The following BEND3 variants were observed in gnomAD, a reference collection of about 807,000 sequenced individuals.
The protein encoded by BEND3 is BEN domain-containing protein 3.
BEND3 carries 13 observed loss-of-function variants against 60.1 expected under a neutral mutation model. The ratio of observed to expected loss-of-function variants is 0.22; its 90% CI spans 0.14 to 0.34. BEND3 has a LOEUF of 0.34. Among genes scored for constraint, BEND3 ranks in the 10% least tolerant of loss-of-function variants. The pLI is 1.00. For missense variants in BEND3, 896 were observed against 1,138.1 expected (o/e 0.79, Z 3.06); for synonymous variants, 497 against 491.5 (o/e 1.01, Z -0.15).
chr6:107,070,742 A>T lies in BEND3; in HGVS notation c.449T>A (p.Leu150Gln). The change falls in exon 4 of 4, where the codon CTA (leucine) becomes CAA (glutamine). Residue 150 changes from leucine to glutamine, a missense_variant. By Grantham distance (113) the Leu-to-Gln change is moderately radical. Around this residue, in one of 4 missense-constraint regions of BEND3, gnomAD observed 846 missense variants for 1,036.7 expected, o/e 0.82. Coordinates refer to ENST00000369042, the MANE Select transcript of BEND3 (RefSeq NM_001367314.1). This position sits in a 1 kb window ranked among gnomAD's most constrained non-coding sequence, Gnocchi z 6.9. Reference protein sequence around the residue: ...EKKNPPSGDLLNVYELFEKAN... With the variant: ...EKKNPPSGDLQNVYELFEKAN... ...CTTCTCAAAGAGCTCGTACACGTTTAGCAGGTCCCCCGAGGGAGGATTCTT... is the reference window on the plus strand; with the variant it reads ...CTTCTCAAAGAGCTCGTACACGTTTTGCAGGTCCCCCGAGGGAGGATTCTT... 1 of 1,613,978 alleles carries T rather than the reference A, an allele frequency of 6.2e-7. No individual in the cohort carries two copies. The highest frequency in any genetic ancestry group is 8.5e-7 in the Non-Finnish European group (1 of 1,180,010).
intron 3 of BEND3, 136 bp from the exon 4 acceptor site, chr6:107,071,086 ACT>A: frequency 5.0e-6 from 4 of 804,798 alleles, no homozygotes; most frequent in Non-Finnish European, 5.7e-6. Context: ...ACCCTGAATC[ACT>A]CTGTCATCCA....
chr6:107,068,937 AG>A lies in BEND3; in HGVS notation c.2253del (p.Phe752SerfsTer81). On this transcript the variant is annotated frameshift_variant, in exon 4 of 4. Transcript: ENST00000369042. LOFTEE classifies it high-confidence loss of function. The surrounding 1 kb of genome is among the most constrained non-coding windows in gnomAD (Gnocchi z 5.8). ...TGCAGCCGGAGGTTCTCGGCGGTGA[AG>A]AGTTCGGGAAACAGGCGGACGAGGA... Reference protein sequence around the residue: ...ARLLVRLFPELFTAENLRLQY... With the variant: ...ARLLVRLFPEXFTAENLRLQY... 6.2e-7 allele frequency: 1 copy of A among 1,613,928 alleles called. No homozygotes were observed. The highest frequency in any genetic ancestry group is 8.5e-7 in the Non-Finnish European group (1 of 1,180,018).
In BEND3 at chr6:107,070,233, C is replaced by A. The variant is rs1745845025; in HGVS notation, c.958G>T (p.Asp320Tyr). ...CACTCGGCCTGCCACACAGCCGTGT[C>A]CTTCACCGAGGGGTAGTAGACCTCC... ...YVEVYYPSVK[D>Y]TAVWQAECLP... The change falls in exon 4 of 4, where the codon GAC (aspartate) becomes TAC (tyrosine). Residue 320 changes from aspartate to tyrosine, a missense_variant. By Grantham distance (160) the Asp-to-Tyr change is radical. This residue lies in a region of BEND3 where 846 missense variants were observed against 1,036.7 expected (regional missense o/e 0.82). Coordinates refer to ENST00000369042, the MANE Select transcript of BEND3 (RefSeq NM_001367314.1). This position sits in a 1 kb window ranked among gnomAD's most constrained non-coding sequence, Gnocchi z 6.9. 6.2e-7 allele frequency: 1 copy of A among 1,613,000 alleles called. No homozygotes were observed. Among genetic ancestry groups the A allele is most frequent in the Middle Eastern group, 1.6e-4 (1 of 6,062 alleles).
At chr6:107,102,751 G>A (rs1372281989) in intron 1 of BEND3, among the ~76,000 whole-genome samples, 1 of 152,192 alleles carries the variant, frequency 6.6e-6, no homozygotes, top group Non-Finnish European at 1.5e-5. Context: ...CTTGCGCAGT[G>A]GGGAGTGAGG....
chr6:107,114,212 T>C (rs1253681138), intron 1 of BEND3: 1 of 152,182 alleles, frequency 6.6e-6, no homozygotes, highest in Non-Finnish European at 1.5e-5. Flanking sequence ...GGGCAAAGCA[T>C]GCGTGGGAAA....
Position 107,070,300 on chromosome 6 carries a change from G to A in BEND3, c.891C>T (p.Arg297=), listed in dbSNP as rs1774943350. The change falls in exon 4 of 4, where the codon CGC becomes CGT. Residue 297 remains arginine, a synonymous_variant. Coordinates refer to ENST00000369042, the MANE Select transcript of BEND3 (RefSeq NM_001367314.1). The surrounding 1 kb of genome is among the most constrained non-coding windows in gnomAD (Gnocchi z 6.9). ...GCTGCAGGTGCAGCGACTCCAGCTT[G>A]CGCTTGGCCGCAAAGCCACAGGCAC... ...GCSACGFAAK[R]KLESLHLQLI... is the part of the protein sequence containing the mutation. 2 of 1,612,878 alleles carry A rather than the reference G, an allele frequency of 1.2e-6. 1 individual carries two copies. Among genetic ancestry groups the A allele is most frequent in the South Asian group, 2.2e-5 (2 of 91,072 alleles).
intron 3 of BEND3, among the ~76,000 whole-genome samples, chr6:107,074,483 T>C (rs140425887): frequency 1.5e-3 from 221 of 152,288 alleles, no homozygotes; most frequent in African/African-American, 4.9e-3. Flanking sequence ...TCCCAAGCCA[T>C]GGCAGAGGTA....
Position 107,069,595 on chromosome 6 carries a change from C to T in BEND3, c.1596G>A (p.Val532=), listed in dbSNP as rs1774916294. ...PGRRSKKIWL[V]PIDFDKLEIP... ...TCTCTAACTTGTCGAAGTCGATGGG[C>T]ACCAGCCAGATCTTCTTGGAGCGGC... Residue 532 remains valine (V), a synonymous_variant, in exon 4 of 4, where the codon GTG becomes GTA. Coordinates refer to ENST00000369042, the MANE Select transcript of BEND3 (RefSeq NM_001367314.1). 6.2e-7 allele frequency: 1 copy of T among 1,612,556 alleles called. No homozygotes were observed. Among genetic ancestry groups the T allele is most frequent in the South Asian group, 1.1e-5 (1 of 91,090 alleles).
intron 3 of BEND3, among the ~76,000 whole-genome samples, chr6:107,078,551 T>C (rs1775148529): frequency 6.6e-5 from 1 of 15,234 alleles, no homozygotes. Context: ...GCCTCCTGGG[T>C]TCATGCCATT....
intron 3 of BEND3, among the ~76,000 whole-genome samples, chr6:107,097,585 G>A (rs1554236152): frequency 6.6e-6 from 1 of 151,854 alleles, no homozygotes; most frequent in Non-Finnish European, 1.5e-5. Flanking sequence ...GAGGTCGGGA[G>A]TTCAAGACCA....
At chr6:107,101,760 T>C (rs1481192264) in intron 1 of BEND3, among the ~76,000 whole-genome samples, 3 of 152,154 alleles carry the variant, frequency 2.0e-5, no homozygotes, top group Admixed American at 1.3e-4. Context: ...CTAGAAGGGC[T>C]GGACAATGCC....
intron 1 of BEND3, among the ~76,000 whole-genome samples, chr6:107,108,908 A>C (rs1775879946): frequency 6.6e-6 from 1 of 152,126 alleles, no homozygotes; most frequent in African/African-American, 2.4e-5. Flanking sequence ...GCGTTCAAGC[A>C]ATTCTCCTGT....
At chr6:107,093,392 C>T (rs895198189) in intron 3 of BEND3, among the ~76,000 whole-genome samples, 3 of 151,256 alleles carry the variant, frequency 2.0e-5, no homozygotes, top group Non-Finnish European at 4.4e-5. Context: ...ACCCGGGAGG[C>T]GGAGCTTGCA....
chr6:107,103,940 C>T (rs1232431385), intron 1 of BEND3, among the ~76,000 whole-genome samples: 22 of 127,898 alleles, frequency 1.7e-4, no homozygotes, highest in Non-Finnish European at 2.3e-4. Flanking sequence ...AAGAGCGAAA[C>T]TCCGTCTCAA....
intron 3 of BEND3, among the ~76,000 whole-genome samples, chr6:107,091,215 G>A (rs1775469227): frequency 6.6e-6 from 1 of 151,314 alleles, no homozygotes; most frequent in Admixed American, 6.6e-5. Context: ...GCATATAATA[G>A]AAAAGATCTA....
At position 107,070,207 on chromosome 6, in the gene BEND3, G is replaced by A. The variant is rs782093847; in HGVS notation, c.984C>T (p.Cys328=). 1 of 1,612,670 alleles carries A rather than the reference G, an allele frequency of 6.2e-7. No individual in the cohort carries two copies. Among genetic ancestry groups the A allele is most frequent in the Non-Finnish European group, 8.5e-7 (1 of 1,179,854 alleles). Residue 328 remains cysteine, a synonymous_variant, in exon 4 of 4, where the codon TGC becomes TGT. Transcript: ENST00000369042. The surrounding 1 kb of genome is among the most constrained non-coding windows in gnomAD (Gnocchi z 6.9). ...VKDTAVWQAE[C]LPQLNDFFSR... The stretch of plus-strand genomic sequence containing the variant: ...TGAAGAAGTCGTTCAGCTGGGGCAG[G>A]CACTCGGCCTGCCACACAGCCGTGT...
chr6:107,089,742 G>A (rs546285352), intron 3 of BEND3, among the ~76,000 whole-genome samples: 3 of 151,120 alleles, frequency 2.0e-5, no homozygotes, highest in African/African-American at 7.3e-5. Context: ...TAAGAGGCAC[G>A]CACAATTGTG....
intron 3 of BEND3, among the ~76,000 whole-genome samples, chr6:107,082,812 C>G (rs1181333626): frequency 1.3e-5 from 2 of 152,212 alleles, no homozygotes; most frequent in Admixed American, 1.3e-4. Flanking sequence ...ATACACTAAA[C>G]TTTGTCTTTC....
chr6:107,082,980 C>G (rs1194451532), intron 3 of BEND3, among the ~76,000 whole-genome samples: 1 of 152,166 alleles, frequency 6.6e-6, no homozygotes, highest in Non-Finnish European at 1.5e-5. Context: ...CAGCATAACC[C>G]TCTAGGAATC....
Sources: allele counts gnomAD v4.1 joint callset (sites outside exome capture counted in the v4.1 genomes callset), GRCh38; gene constraint gnomAD v4.1.1; regional missense constraint gnomAD v4.1.1; non-coding constraint Gnocchi (gnomAD v3.1); transcripts MANE v1.5; gene names NCBI Gene and HGNC (gene_info 2026-07-23, HGNC 2026-07-21).